Variants in FAM135A observed in about 807,000 individuals in gnomAD.
FAM135A encodes the protein family with sequence similarity 135 member A.
Under a neutral mutation model 146.8 loss-of-function variants are expected in FAM135A, and 79 were observed. The observed-to-expected ratio is 0.54, with a 90% CI of 0.45 to 0.65. The LOEUF is 0.65. FAM135A is among the 30% of genes least tolerant of loss of function. FAM135A has a pLI of 0.00. For synonymous variants in FAM135A, 562 were observed against 603.6 expected, an observed-to-expected ratio of 0.93 and a Z score of 1.01; for missense variants, 1,623 against 1,758.2, an observed-to-expected ratio of 0.92 and a Z score of 1.38.
intron 4 of FAM135A, among the ~76,000 whole-genome samples, chr6:70,445,246 G>A (rs1211205551): frequency 6.6e-6 from 1 of 152,194 alleles, no homozygotes; most frequent in Admixed American, 6.5e-5. Context: ...CTCAGCAGCA[G>A]GAATGAGTAG....
intron 5 of FAM135A, among the ~76,000 whole-genome samples, chr6:70,460,929 T>A (rs1379860585): frequency 1.3e-5 from 2 of 151,596 alleles, no homozygotes; most frequent in Non-Finnish European, 2.9e-5. Flanking sequence ...ACTCAAGAAA[T>A]TCTCCTGCCT....
chr6:70,478,575 C>G (rs1015536732), intron 8 of FAM135A, among the ~76,000 whole-genome samples: 5 of 152,138 alleles, frequency 3.3e-5, no homozygotes, highest in African/African-American at 1.2e-4. Context: ...TATGGCATAT[C>G]TTTACATTGT....
chr6:70,455,846 C>T (rs1778250280), intron 5 of FAM135A, among the ~76,000 whole-genome samples: 2 of 152,086 alleles, frequency 1.3e-5, no homozygotes, highest in South Asian at 4.1e-4. Flanking sequence ...AATGTCAAAC[C>T]TATGAATATT....
intron 4 of FAM135A, among the ~76,000 whole-genome samples, chr6:70,442,781 A>G (rs1023855570): frequency 6.6e-6 from 1 of 152,158 alleles, no homozygotes; most frequent in Admixed American, 6.5e-5. Flanking sequence ...ATACAATGCT[A>G]TAGGAAGTAC....
chr6:70,468,509 T>C (rs903741332), intron 5 of FAM135A, among the ~76,000 whole-genome samples: 5 of 152,050 alleles, frequency 3.3e-5, no homozygotes, highest in African/African-American at 1.2e-4. Context: ...CTTGGAAGAG[T>C]GAATACAAGG....
intron 2 of FAM135A, among the ~76,000 whole-genome samples, chr6:70,419,061 GA>G (rs1434159218): frequency 6.6e-6 from 1 of 152,212 alleles, no homozygotes; most frequent in Non-Finnish European, 1.5e-5. Context: ...GTCGGCTACA[GA>G]ACATGACTGT....
chr6:70,483,481 A>G (rs965152498), intron 10 of FAM135A, among the ~76,000 whole-genome samples: 1 of 152,198 alleles, frequency 6.6e-6, no homozygotes, highest in East Asian at 1.9e-4. Flanking sequence ...TTATGTTCTT[A>G]GAATTCCTGT....
chr6:70,433,759 T>C (rs2127830282), intron 4 of FAM135A, among the ~76,000 whole-genome samples: 1 of 152,314 alleles, frequency 6.6e-6, no homozygotes, highest in East Asian at 1.9e-4. Flanking sequence ...TGCTTAGACT[T>C]ATCGGGTGTA....
chr6:70,519,226 G>C (rs1490496106), intron 12 of FAM135A, among the ~76,000 whole-genome samples: 2 of 152,162 alleles, frequency 1.3e-5, no homozygotes, highest in Non-Finnish European at 2.9e-5. Context: ...AAGAGAACTA[G>C]AATTAGAAGT....
At chr6:70,414,902 T>A (rs1462159928) in intron 1 of FAM135A, among the ~76,000 whole-genome samples, 2 of 152,240 alleles carry the variant, frequency 1.3e-5, no homozygotes, top group Admixed American at 1.3e-4. Flanking sequence ...AATTTTCTTG[T>A]CCTCCATTAG....
chr6:70,529,423 T>G (rs1207811129), intron 16 of FAM135A, among the ~76,000 whole-genome samples: 1 of 150,250 alleles, frequency 6.7e-6, no homozygotes, highest in Non-Finnish European at 1.5e-5. Flanking sequence ...TGTCATAAAA[T>G]TGGAGATTTT....
intron 10 of FAM135A, among the ~76,000 whole-genome samples, chr6:70,485,441 C>T (rs1784430156): frequency 1.3e-5 from 2 of 152,056 alleles, no homozygotes; most frequent in Non-Finnish European, 2.9e-5. Context: ...ATATTCTAAA[C>T]TATCAATGTC....
At position 70,469,730 on chromosome 6, in the gene FAM135A, C is replaced by CA. The variant is rs967646916; in HGVS notation, c.158-5672dup. ...AAAAGAACAGCACCCCCACCCCCTGCAAAAAAAAGAGACGAAAAAGGGGTG... is the reference window on the plus strand; with the variant it reads ...AAAAGAACAGCACCCCCACCCCCTGCAAAAAAAAAGAGACGAAAAAGGGGTG... On this transcript the variant is annotated intron_variant, in intron 5 of 21. Coordinates refer to ENST00000418814, the MANE Select transcript of FAM135A (RefSeq NM_001162529.3). 2.1e-4 allele frequency among the ~76,000 whole-genome samples: 31 copies of CA among 150,622 alleles called. 1 individual carries two copies. The East Asian group carries it at 3.1e-3, about 15-fold the overall frequency.
chr6:70,540,902 C>G (rs1456091842), intron 20 of FAM135A, among the ~76,000 whole-genome samples: 1 of 152,218 alleles, frequency 6.6e-6, no homozygotes, highest in Non-Finnish European at 1.5e-5. Flanking sequence ...CTTAGACACT[C>G]TCCCAAAGTT....
chr6:70,483,096 A>G (rs906336936), intron 10 of FAM135A, among the ~76,000 whole-genome samples: 2 of 152,162 alleles, frequency 1.3e-5, no homozygotes, highest in Admixed American at 6.5e-5. Context: ...TAATCAGACT[A>G]CTTAAAAACT....
rs1028435461 is a variant in FAM135A, at chr6:70,526,080, A to G, written c.2996A>G (p.Asn999Ser). ...DVSEDRTMKK[N>S]SDVLNLTQMY... Reference sequence around the variant, plus strand: ...AGTGAAGATAGAACTATGAAAAAAAATAGTGATGTATTAAATCTCACACAG... The same window carrying G: ...AGTGAAGATAGAACTATGAAAAAAAGTAGTGATGTATTAAATCTCACACAG... Residue 999 changes from asparagine (N) to serine (S), a missense_variant, in exon 15 of 22, where the codon AAT becomes AGT. Coordinates refer to ENST00000418814, the MANE Select transcript of FAM135A (RefSeq NM_001162529.3). The G allele has an allele frequency of 1.2e-6, 2 of 1,613,094 alleles. No individual in the cohort carries two copies. Among genetic ancestry groups the G allele is most frequent in the Non-Finnish European group, 1.7e-6 (2 of 1,179,562 alleles).
intron 20 of FAM135A, among the ~76,000 whole-genome samples, chr6:70,544,336 C>T (rs1798462040): frequency 1.3e-5 from 2 of 151,582 alleles, no homozygotes; most frequent in Non-Finnish European, 2.9e-5. Context: ...GTTGGGAGTT[C>T]GAGACCATCC....
intron 11 of FAM135A, among the ~76,000 whole-genome samples, chr6:70,494,867 G>T (rs1008774192): frequency 3.3e-5 from 5 of 152,034 alleles, no homozygotes; most frequent in African/African-American, 1.2e-4. Context: ...CCAGAGAATT[G>T]TTTCTACTTT....
chr6:70,428,364 G>C lies in FAM135A; in HGVS notation c.22G>C (p.Val8Leu), dbSNP rs867851493. 1 of 1,602,088 alleles carries C rather than the reference G, an allele frequency of 6.2e-7. No homozygotes were observed. The highest frequency in any genetic ancestry group is 8.5e-7 in the Non-Finnish European group (1 of 1,174,466). Residue 8 changes from valine (V) to leucine (L), a missense_variant, in exon 4 of 22, where the codon GTA becomes CTA. This residue lies in a region of FAM135A where 171 missense variants were observed against 164.9 expected (regional missense o/e 1.04). Coordinates refer to ENST00000418814, the MANE Select transcript of FAM135A (RefSeq NM_001162529.3). MTEVQAM[V>L]EFSVELNKFY... ...AAAAATGACTGAAGTTCAAGCAATG[G>C]TAGAATTCTCTGTGGAGCTAAACAA...
Sources: gnomAD v4.1 joint callset for allele counts (sites outside exome capture counted in the v4.1 genomes callset) on GRCh38, gnomAD v4.1.1 for gene constraint, gnomAD v4.1.1 regional missense constraint, MANE v1.5 for transcripts, NCBI Gene and HGNC (gene_info 2026-07-23, HGNC 2026-07-21) for gene names.